Variants in ENTHD1 observed in about 807,000 individuals in gnomAD.
The protein encoded by ENTHD1 is ENTH domain containing 1, also known as ENTH domain-containing protein 1.
A neutral mutation model predicts 39.1 loss-of-function variants in ENTHD1; 23 were observed. That is an observed-to-expected ratio of 0.59 (90% CI 0.42 to 0.83). The LOEUF is 0.83. Among genes scored for constraint, ENTHD1 ranks in the 40% least tolerant of loss-of-function variants. The pLI is 0.00. For synonymous variants in ENTHD1, 230 were observed against 258.2 expected (o/e 0.89, Z 1.05); for missense variants, 624 against 705.4 (o/e 0.88, Z 1.31).
intron 3 of ENTHD1, among the ~76,000 whole-genome samples, chr22:39,837,877 A>T (rs982991398): frequency 6.6e-6 from 1 of 152,228 alleles, no homozygotes; most frequent in Non-Finnish European, 1.5e-5. Flanking sequence ...GTGTGAAGAC[A>T]ATCAGGACAA....
chr22:39,876,169 C>T (rs2066287723), intron 2 of ENTHD1: 2 of 1,499,528 alleles, frequency 1.3e-6, no homozygotes, highest in Non-Finnish European at 8.9e-7. Context: ...CCTCAGGAGA[C>T]TTATTTGAGA....
chr22:39,844,961 C>T (rs1773530238), intron 3 of ENTHD1, among the ~76,000 whole-genome samples: 1 of 151,806 alleles, frequency 6.6e-6, no homozygotes, highest in Admixed American at 6.6e-5. Context: ...CATACCTCAA[C>T]TAGGTAGAAT....
chr22:39,821,790 G>C (rs2065785042), intron 4 of ENTHD1, among the ~76,000 whole-genome samples: 1 of 152,158 alleles, frequency 6.6e-6, no homozygotes. Flanking sequence ...TCTGATGTCT[G>C]GCAAGGCCCC....
chr22:39,814,072 C>A (rs538859386), intron 5 of ENTHD1, among the ~76,000 whole-genome samples: 2 of 152,020 alleles, frequency 1.3e-5, no homozygotes, highest in East Asian at 1.9e-4. Context: ...GATTGGATAT[C>A]ATAAAAATGT....
At chr22:39,884,305 G>C (rs1267296706) in intron 2 of ENTHD1, among the ~76,000 whole-genome samples, 2 of 151,408 alleles carry the variant, frequency 1.3e-5, no homozygotes, top group African/African-American at 4.9e-5. Context: ...CAGCCTCCCG[G>C]GTAGCTGGGA....
rs1239239555 is a variant in ENTHD1 at position 39,890,139 on chromosome 22, TAAATAAATAAAA to T, written c.-155-2248_-155-2237del. Among the ~76,000 whole-genome samples, 54 of 149,298 alleles carry T rather than the reference TAAATAAATAAAA, an allele frequency of 3.6e-4. No homozygotes were observed. The East Asian group carries it at 6.7e-3, about 18-fold the overall frequency. ...ATAAATAAATAAATAAATAAATAAA[TAAATAAATAAAA>T]AAGAAAATGTATTAAATATCTGTTT... On this transcript the variant is annotated intron_variant, in intron 1 of 6. Coordinates refer to ENST00000325157, the MANE Select transcript of ENTHD1 (RefSeq NM_152512.4).
At position 39,753,213 on chromosome 22, in the gene ENTHD1, T is replaced by C. The variant is rs148156005; in HGVS notation, c.1220-8930A>G. ...CCAAGAACAGTGTAGCTGAACATACTTACTATAAATGTGGCTTATGAGAAT... is the reference window on the plus strand; with the variant it reads ...CCAAGAACAGTGTAGCTGAACATACCTACTATAAATGTGGCTTATGAGAAT... On this transcript the variant is annotated intron_variant, in intron 6 of 6. Coordinates refer to ENST00000325157, the MANE Select transcript of ENTHD1 (RefSeq NM_152512.4). Among the ~76,000 whole-genome samples the C allele has an allele frequency of 7.2e-3, 1,098 of 152,328 alleles. 5 individuals carry two copies. The highest frequency in any genetic ancestry group is 0.025 in the African/African-American group (1,037 of 41,580).
chr22:39,765,139 G>T, intron 6 of ENTHD1, 84 bp downstream of exon 6: 1 of 1,442,440 alleles, frequency 6.9e-7, no homozygotes, highest in Non-Finnish European at 9.1e-7. Context: ...ACAGAAAGCA[G>T]AGAAAAGTAA....
chr22:39,778,760 C>G (rs1402745818), intron 5 of ENTHD1, among the ~76,000 whole-genome samples: 2 of 152,112 alleles, frequency 1.3e-5, no homozygotes, highest in Non-Finnish European at 1.5e-5. Context: ...ATATGACTTA[C>G]AGGACTATAC....
Position 39,861,783 on chromosome 22 carries a change from C to T in ENTHD1, c.574G>A (p.Gly192Arg), listed in dbSNP as rs752962089. ...SEKKYKLPKF[G>R]RLHNKRNVCK... is the part of the protein sequence containing the mutation. ...TACGTACTTTTATTATGTAACCTTC[C>T]AAACTTAGGAAGCTTATACTTCTTC... The change falls in exon 3 of 7, where the codon GGA (glycine) becomes AGA (arginine). Residue 192 changes from glycine to arginine, a missense_variant. Gly to Arg is a moderately radical substitution (Grantham distance 125). Transcript: ENST00000325157. 5 of 1,551,776 alleles carry T rather than the reference C, an allele frequency of 3.2e-6. No individual in the cohort carries two copies. The South Asian group carries it at 6.4e-5, about 20-fold the overall frequency.
rs756236363 is a variant in ENTHD1, at chr22:39,887,777, A to C, written c.-29T>G. 2.0e-6 allele frequency: 3 copies of C among 1,473,480 alleles called. No individual in the cohort carries two copies. The highest frequency in any genetic ancestry group is 2.7e-6 in the Non-Finnish European group (3 of 1,093,554). 91.3% of individuals were successfully genotyped at this position (1,473,480 alleles called of 1,614,324 possible). On this transcript the variant is annotated 5_prime_UTR_variant, in exon 2 of 7. Transcript: ENST00000325157. ...TAATACAAGTTCCAAGGTGAGATGG[A>C]GGATGAAAGCAATGGAATAACAGTT... is the stretch of plus-strand genomic sequence containing the variant.
intron 6 of ENTHD1, among the ~76,000 whole-genome samples, chr22:39,753,998 C>G (rs775194375): frequency 1.7e-4 from 26 of 152,178 alleles, no homozygotes; most frequent in Non-Finnish European, 3.4e-4. Context: ...CATTCTCCAC[C>G]CCTTCAACCA....
rs931303481 is a variant in ENTHD1, at chr22:39,810,618, T to C, written c.832+10375A>G. 3.9e-5 allele frequency among the ~76,000 whole-genome samples: 6 copies of C among 152,378 alleles called. No homozygotes were observed. In the East Asian group the frequency reaches 1.2e-3, roughly 29 times the overall value. ...TTCAAAGTTGTAGGGGTAGTGATTC[T>C]TACCACATTCCAGTATAACTTGCCT... On this transcript the variant is annotated intron_variant, in intron 5 of 6. Transcript: ENST00000325157.
chr22:39,811,970 C>A (rs2065690166), intron 5 of ENTHD1, among the ~76,000 whole-genome samples: 1 of 150,454 alleles, frequency 6.6e-6, no homozygotes, highest in Non-Finnish European at 1.5e-5. Flanking sequence ...CACAGTGAGA[C>A]CCCATCTCAT....
intron 2 of ENTHD1, among the ~76,000 whole-genome samples, chr22:39,885,611 A>T (rs2066373221): frequency 6.6e-6 from 1 of 152,254 alleles, no homozygotes; most frequent in Non-Finnish European, 1.5e-5. Flanking sequence ...TAAATTTTTT[A>T]AAATGTGTAA....
intron 2 of ENTHD1, among the ~76,000 whole-genome samples, chr22:39,863,619 C>T (rs1810467167): frequency 6.6e-6 from 1 of 152,214 alleles, no homozygotes; most frequent in Non-Finnish European, 1.5e-5. Flanking sequence ...AAGGAAATCA[C>T]TTACCTTTCT....
intron 6 of ENTHD1, among the ~76,000 whole-genome samples, chr22:39,748,528 C>T (rs978220388): frequency 1.3e-5 from 2 of 151,766 alleles, no homozygotes; most frequent in Non-Finnish European, 2.9e-5. Context: ...TCACACCATT[C>T]TTCTGCCTCC....
At chr22:39,812,604 A>G (rs1031345080) in intron 5 of ENTHD1, among the ~76,000 whole-genome samples, 1 of 152,206 alleles carries the variant, frequency 6.6e-6, no homozygotes, top group Non-Finnish European at 1.5e-5. Flanking sequence ...TGGGCCATGT[A>G]GCAAGGATGA....
rs552628280 is a variant in ENTHD1, at chr22:39,815,973, G to A, written c.832+5020C>T. ...ACTATAAAGAAAAGCAAGGAATAAT[G>A]AGTAAAGAGAGGTTCCTCTGGAGGT... On this transcript the variant is annotated intron_variant, in intron 5 of 6. Transcript: ENST00000325157. 1.3e-3 allele frequency among the ~76,000 whole-genome samples: 196 copies of A among 152,264 alleles called. 1 individual carries two copies. Among genetic ancestry groups the A allele is most frequent in the African/African-American group, 4.4e-3 (184 of 41,544 alleles).
Sources: gnomAD v4.1 joint callset for allele counts (sites outside exome capture counted in the v4.1 genomes callset) on GRCh38, gnomAD v4.1.1 for gene constraint, MANE v1.5 for transcripts, NCBI Gene and HGNC (gene_info 2026-07-23, HGNC 2026-07-21) for gene names.